DNMBP: variants seen among roughly 807,000 people sequenced by gnomAD.
DNMBP encodes the protein dynamin binding protein.
DNMBP carries 87 observed loss-of-function variants against 150.0 expected under a neutral mutation model. The ratio of observed to expected loss-of-function variants is 0.58; its 90% CI spans 0.49 to 0.69. The LOEUF (loss-of-function observed/expected upper bound fraction) is 0.69, where lower values mean the gene tolerates loss of function less well. Ranked by LOEUF, DNMBP falls within the 30% of genes least tolerant of loss-of-function variation. The probability of loss-of-function intolerance (pLI) is 0.00; values close to 1 mark genes in which losing one functional copy is unlikely to be tolerated. For synonymous variants in DNMBP, 711 were observed against 750.4 expected, an observed-to-expected ratio of 0.95 and a Z score of 0.86; for missense variants, 1,774 against 1,949.0, an observed-to-expected ratio of 0.91 and a Z score of 1.69.
rs751346811 is a variant in DNMBP, at chr10:100,001,412, TG to T, written c.-11+8425del. 1.0e-3 allele frequency among the ~76,000 whole-genome samples: 102 copies of T among 101,298 alleles called. 1 individual carries two copies. The highest frequency in any genetic ancestry group is 1.4e-3 in the Admixed American group (13 of 9,480). 66.5% of individuals were successfully genotyped at this position (101,298 alleles called of 152,430 possible). A position where few individuals can be genotyped will look rare whatever the true frequency, so the allele number is the denominator to read the frequency against. On this transcript the variant is annotated intron_variant, in intron 1 of 16. Transcript: ENST00000324109. ...AATTGTGATGGGGTTTTGTTGTTGT[TG>T]TTTTTTTTTTTTTTTTGAGACAGGG...
intron 4 of DNMBP, among the ~76,000 whole-genome samples, chr10:99,925,039 G>A (rs772075069): frequency 6.6e-6 from 1 of 152,090 alleles, no homozygotes; most frequent in Non-Finnish European, 1.5e-5. Context: ...GGTCTTTCCC[G>A]AGTCCATATC....
chr10:99,915,140 C>T (rs375297303), intron 4 of DNMBP, among the ~76,000 whole-genome samples: 6 of 137,228 alleles, frequency 4.4e-5, no homozygotes, highest in South Asian at 2.3e-4. Flanking sequence ...CACACACACA[C>T]ATATATATAC....
intron 6 of DNMBP, among the ~76,000 whole-genome samples, chr10:99,902,649 T>G: frequency 6.8e-6 from 1 of 146,460 alleles, no homozygotes. Context: ...AATTGTTGGC[T>G]GGACGTAGTG....
intron 4 of DNMBP, among the ~76,000 whole-genome samples, chr10:99,914,498 C>T (rs2039939477): frequency 1.3e-5 from 2 of 152,024 alleles, no homozygotes; most frequent in Non-Finnish European, 2.9e-5. Context: ...ACAGCTTAGC[C>T]AAGGGACCCC....
chr10:99,946,168 G>A (rs535886873), intron 4 of DNMBP, among the ~76,000 whole-genome samples: 15 of 152,314 alleles, frequency 9.8e-5, no homozygotes, highest in Admixed American at 2.0e-4. Context: ...ATGTTGGCCA[G>A]GCTGGTCTCA....
At chr10:99,993,066 A>C (rs1027556315) in intron 1 of DNMBP, among the ~76,000 whole-genome samples, 13 of 152,154 alleles carry the variant, frequency 8.5e-5, no homozygotes, top group African/African-American at 3.1e-4. Flanking sequence ...AAGATTCAAC[A>C]TAAAAATAAA....
chr10:99,939,203 G>A (rs965960861), intron 4 of DNMBP, among the ~76,000 whole-genome samples: 3 of 151,938 alleles, frequency 2.0e-5, no homozygotes, highest in African/African-American at 7.3e-5. Context: ...GCTCCACTGA[G>A]GGTCAACAAC....
At chr10:99,908,646 T>A (rs188091719) in intron 5 of DNMBP, among the ~76,000 whole-genome samples, 1 of 152,274 alleles carries the variant, frequency 6.6e-6, no homozygotes, top group East Asian at 1.9e-4. Flanking sequence ...ACATCATCAC[T>A]CAGCCTTCTA....
intron 6 of DNMBP, among the ~76,000 whole-genome samples, chr10:99,902,303 C>A: frequency 1.2e-5 from 1 of 82,774 alleles, no homozygotes; most frequent in African/African-American, 4.2e-5. Context: ...AGCCTCCCTT[C>A]TTTTTTTTTT....
chr10:99,941,231 C>T (rs2133305337), intron 4 of DNMBP, among the ~76,000 whole-genome samples: 1 of 152,254 alleles, frequency 6.6e-6, no homozygotes, highest in African/African-American at 2.4e-5. Flanking sequence ...CTTTCCTTCT[C>T]CTTGGCTGGT....
At chr10:99,963,339 G>A (rs1205390545) in intron 3 of DNMBP, among the ~76,000 whole-genome samples, 1 of 150,944 alleles carries the variant, frequency 6.6e-6, no homozygotes, top group Non-Finnish European at 1.5e-5. Flanking sequence ...CTAAACTGCT[G>A]AGATTAAAGG....
chr10:100,000,650 C>T (rs1425088088), intron 1 of DNMBP, among the ~76,000 whole-genome samples: 19 of 152,120 alleles, frequency 1.2e-4, no homozygotes, highest in Middle Eastern at 6.8e-3. Context: ...CCTTAGATGA[C>T]CCTTCTCTGG....
intron 3 of DNMBP, among the ~76,000 whole-genome samples, chr10:99,960,707 G>T (rs906808970): frequency 6.6e-6 from 1 of 152,174 alleles, no homozygotes; most frequent in Non-Finnish European, 1.5e-5. Flanking sequence ...TCGAGAGGCT[G>T]AGGCAGAAAA....
chr10:99,996,389 A>G (rs1282816401), intron 1 of DNMBP, among the ~76,000 whole-genome samples: 1 of 151,758 alleles, frequency 6.6e-6, no homozygotes, highest in Admixed American at 6.6e-5. Context: ...GCATGGTGGC[A>G]CCCGCCTGTA....
Position 99,878,865 on chromosome 10 carries a change from G to A in DNMBP, c.4548+946C>T, listed in dbSNP as rs575940161. ...ATATGGCCAGCTGTGGGTGGCTCAC[G>A]CCTGTAATCCCAGCAAATTGGGAGG... On this transcript the variant is annotated intron_variant, in intron 16 of 16. Coordinates refer to ENST00000324109, the MANE Select transcript of DNMBP (RefSeq NM_015221.4). 6.6e-5 allele frequency among the ~76,000 whole-genome samples: 10 copies of A among 152,192 alleles called. No homozygotes were observed. In the East Asian group the frequency reaches 9.6e-4, roughly 15 times the overall value.
chr10:99,919,379 T>C (rs1169188562), intron 4 of DNMBP, among the ~76,000 whole-genome samples: 1 of 152,256 alleles, frequency 6.6e-6, no homozygotes, highest in Non-Finnish European at 1.5e-5. Context: ...CTTCAGTTTA[T>C]ATTAATTAGG....
intron 4 of DNMBP, among the ~76,000 whole-genome samples, chr10:99,937,919 G>A (rs145960786): frequency 5.3e-5 from 8 of 152,322 alleles, no homozygotes; most frequent in Non-Finnish European, 1.2e-4. Context: ...GAGAGCACTG[G>A]AGACCAAATG....
chr10:99,879,742 A>AC, intron 16 of DNMBP, 69 bp downstream of exon 16: 1 of 1,579,662 alleles, frequency 6.3e-7, no homozygotes, highest in Non-Finnish European at 8.6e-7. Context: ...CTTCTGCCTC[A>AC]CCCCCGCTGG....
intron 10 of DNMBP, 53 bp from the exon 11 acceptor site, chr10:99,895,103 T>C (rs892957764): frequency 1.9e-6 from 2 of 1,027,886 alleles, no homozygotes; most frequent in Non-Finnish European, 1.4e-6. Flanking sequence ...CCTTTAATCT[T>C]ACTGGCAAAA....
Sources: allele counts gnomAD v4.1 joint callset (sites outside exome capture counted in the v4.1 genomes callset), GRCh38; gene constraint gnomAD v4.1.1; transcripts MANE v1.5; gene names NCBI Gene and HGNC (gene_info 2026-07-23, HGNC 2026-07-21).